Variants in SP4 observed in about 807,000 individuals in gnomAD.
The protein encoded by SP4 is Sp4 transcription factor, also known as transcription factor Sp4.
A neutral mutation model predicts 72.8 loss-of-function variants in SP4; 19 were observed. The observed-to-expected ratio is 0.26, with a 90% CI of 0.18 to 0.38. The LOEUF is 0.38. Ranked by LOEUF, SP4 falls within the 10% of genes least tolerant of loss-of-function variation. SP4 has a pLI of 1.00. For missense variants in SP4, 1,008 were observed against 926.3 expected (o/e 1.09, Z -1.14); for synonymous variants, 395 against 333.1 (o/e 1.19, Z -2.02).
intron 3 of SP4, among the ~76,000 whole-genome samples, chr7:21,460,411 C>T (rs542383967): frequency 1.7e-4 from 25 of 150,378 alleles, no homozygotes; most frequent in Admixed American, 1.3e-3. Context: ...TTCGTGGTCT[C>T]GCTGGCTTCA....
intron 5 of SP4, among the ~76,000 whole-genome samples, chr7:21,497,044 T>G (rs1268048533): frequency 2.6e-5 from 4 of 152,244 alleles, no homozygotes; most frequent in African/African-American, 9.6e-5. Flanking sequence ...TTTAAAGCCT[T>G]TTGGTTAGTC....
At chr7:21,478,299 G>C (rs758394408) in intron 4 of SP4, among the ~76,000 whole-genome samples, 1 of 152,176 alleles carries the variant, frequency 6.6e-6, no homozygotes, top group African/African-American at 2.4e-5. Context: ...CCCACTGGCC[G>C]TTATGAATAA....
chr7:21,506,962 A>G (rs1583451871), intron 5 of SP4, among the ~76,000 whole-genome samples: 1 of 152,164 alleles, frequency 6.6e-6, no homozygotes, highest in African/African-American at 2.4e-5. Context: ...TATCCCATTC[A>G]GGATTAACAT....
chr7:21,441,541 C>A (rs1225714557), intron 3 of SP4, among the ~76,000 whole-genome samples: 1 of 152,110 alleles, frequency 6.6e-6, no homozygotes, highest in Non-Finnish European at 1.5e-5. Flanking sequence ...AAACTTGAAT[C>A]TAGTGGATTG....
chr7:21,453,968 C>T (rs1377397322), intron 3 of SP4, among the ~76,000 whole-genome samples: 2 of 152,060 alleles, frequency 1.3e-5, no homozygotes, highest in Admixed American at 6.6e-5. Flanking sequence ...TCTATATTCC[C>T]ATGCCTTCTT....
intron 4 of SP4, among the ~76,000 whole-genome samples, chr7:21,479,627 A>G (rs1451077807): frequency 6.6e-6 from 1 of 152,178 alleles, no homozygotes; most frequent in Admixed American, 6.5e-5. Flanking sequence ...TTGCAATTCC[A>G]TGTGAATTTT....
intron 3 of SP4, among the ~76,000 whole-genome samples, chr7:21,452,537 G>C (rs2128399102): frequency 6.6e-6 from 1 of 151,744 alleles, no homozygotes; most frequent in South Asian, 2.1e-4. Flanking sequence ...TTCCAGAGGG[G>C]CTTTTCTTGG....
rs891215422 is a variant in SP4, at chr7:21,477,181, G to A, written c.1781G>A (p.Ser594Asn). The A allele has an allele frequency of 6.2e-7, 1 of 1,614,168 alleles. No homozygotes were observed. The highest frequency in any genetic ancestry group is 1.1e-5 in the South Asian group (1 of 91,086). Residue 594 changes from serine to asparagine, a missense_variant, in exon 4 of 6, where the codon AGT (serine) becomes AAT (asparagine). Ser to Asn is a conservative substitution (Grantham distance 46). Transcript: ENST00000222584. ...GCTAATGCCACGATAGGTGCTGTTA[G>A]TCCTGACCAACTCACACAAGTGCAT... ...GIANATIGAV[S>N]PDQLTQVHLQ...
intron 3 of SP4, among the ~76,000 whole-genome samples, chr7:21,466,144 A>T (rs113561061): frequency 6.6e-6 from 1 of 152,124 alleles, no homozygotes; most frequent in Admixed American, 6.6e-5. Flanking sequence ...TGCATATTAT[A>T]ATTATTTATT....
chr7:21,509,775 CAGGGCCAA>C (rs1782096687), intron 5 of SP4, among the ~76,000 whole-genome samples: 1 of 152,222 alleles, frequency 6.6e-6, no homozygotes, highest in South Asian at 2.1e-4. Context: ...AAGTCAAAAG[CAGGGCCAA>C]GAAAAGAAAT....
chr7:21,435,927 G>C (rs1438580281), intron 3 of SP4, among the ~76,000 whole-genome samples: 8 of 151,954 alleles, frequency 5.3e-5, no homozygotes, highest in Non-Finnish European at 1.2e-4. Context: ...ATTTGAGATG[G>C]AGTCTCGTTC....
At chr7:21,435,129 A>G (rs921470088) in intron 3 of SP4, among the ~76,000 whole-genome samples, 1 of 152,202 alleles carries the variant, frequency 6.6e-6, no homozygotes, top group African/African-American at 2.4e-5. Flanking sequence ...TTTGGCAGTA[A>G]TCATCATATG....
chr7:21,477,796 C>T (rs1271530912), intron 4 of SP4, among the ~76,000 whole-genome samples: 1 of 152,134 alleles, frequency 6.6e-6, no homozygotes, highest in East Asian at 1.9e-4. Flanking sequence ...CCACCTCAGC[C>T]CCCCAAGTGC....
intron 3 of SP4, among the ~76,000 whole-genome samples, chr7:21,445,898 A>C (rs1583389500): frequency 6.6e-6 from 1 of 152,122 alleles, no homozygotes; most frequent in East Asian, 1.9e-4. Flanking sequence ...GATACATCAG[A>C]GTGCATTCAC....
intron 3 of SP4, among the ~76,000 whole-genome samples, chr7:21,431,707 C>G (rs143108915): frequency 4.9e-4 from 75 of 152,186 alleles, no homozygotes; most frequent in African/African-American, 1.6e-3. Context: ...CTTATTGTAC[C>G]TAATAACTTT....
chr7:21,443,723 A>G (rs1044198561), intron 3 of SP4, among the ~76,000 whole-genome samples: 2 of 152,194 alleles, frequency 1.3e-5, no homozygotes, highest in African/African-American at 4.8e-5. Context: ...GGGGATATCT[A>G]TGCCAGGGAG....
intron 3 of SP4, among the ~76,000 whole-genome samples, chr7:21,452,743 A>G (rs1783637909): frequency 1.3e-5 from 2 of 151,406 alleles, no homozygotes; most frequent in South Asian, 4.2e-4. Flanking sequence ...TGAGAGAAGT[A>G]TGTTCCAAAT....
At chr7:21,510,965 A>G (rs1054995998) in intron 5 of SP4, 57 bp from the exon 6 acceptor site, 21 of 1,501,180 alleles carry the variant, frequency 1.4e-5, no homozygotes, top group Non-Finnish European at 1.8e-5. Flanking sequence ...ATTATTAAAA[A>G]TTATAATTTC....
In SP4 at chr7:21,476,701, A is replaced by C. The variant is rs556888440; in HGVS notation, c.1679-378A>C. Among the ~76,000 whole-genome samples the C allele has an allele frequency of 1.1e-3, 169 of 152,314 alleles. 1 individual carries two copies. Among genetic ancestry groups the C allele is most frequent in the South Asian group, 7.7e-3 (37 of 4,830 alleles). The stretch of plus-strand genomic sequence containing the variant: ...TTGCTTACCGTGGAAATGGTAATAA[A>C]GCTTTGTGTTTATATAACATCTTTT... On this transcript the variant is annotated intron_variant, in intron 3 of 5. Transcript: ENST00000222584.
Sources: allele counts gnomAD v4.1 joint callset (sites outside exome capture counted in the v4.1 genomes callset), GRCh38; gene constraint gnomAD v4.1.1; transcripts MANE v1.5; gene names NCBI Gene and HGNC (gene_info 2026-07-23, HGNC 2026-07-21).